The following LAMA3 variants were observed in gnomAD, a reference collection of about 807,000 sequenced individuals.
LAMA3 encodes the protein laminin subunit alpha 3.
In LAMA3, 281 loss-of-function variants were observed where a neutral mutation model predicts 402.0. The ratio of observed to expected loss-of-function variants is 0.70; its 90% CI spans 0.63 to 0.77. LAMA3 has a LOEUF of 0.77. Among genes scored for constraint, LAMA3 ranks in the 30% least tolerant of loss-of-function variants. The probability of loss-of-function intolerance (pLI) is 0.00; values close to 1 mark genes in which losing one functional copy is unlikely to be tolerated. For missense variants in LAMA3, 3,840 were observed against 4,215.5 expected, an observed-to-expected ratio of 0.91 and a Z score of 2.47; for synonymous variants, 1,431 against 1,558.4, an observed-to-expected ratio of 0.92 and a Z score of 1.93.
At position 23,909,248 on chromosome 18, in the gene LAMA3, G is replaced by T. The variant is rs1378277535; in HGVS notation, c.7111G>T (p.Asp2371Tyr). ...CTTGGGAAACATCTCTGACAACATG[G>T]ACAGAATACGAGAACTAATTCAGCA... ...LPLGNISDNM[D>Y]RIRELIQQAR... The change falls in exon 55 of 75, where the codon GAC (aspartate) becomes TAC (tyrosine). Residue 2371 changes from aspartate (D) to tyrosine (Y), a missense_variant. By Grantham distance (160) the Asp-to-Tyr change is radical. Around this residue, in one of 3 missense-constraint regions of LAMA3, gnomAD observed 891 missense variants for 857.5 expected, o/e 1.04. Coordinates refer to ENST00000313654, the MANE Select transcript of LAMA3 (RefSeq NM_198129.4). 4 of 1,613,498 alleles carry T rather than the reference G, an allele frequency of 2.5e-6. No individual in the cohort carries two copies. In the African/African-American group the frequency reaches 5.3e-5, roughly 22 times the overall value.
At chr18:23,899,759 G>A (rs1429255687) in intron 47 of LAMA3, 2 of 304,392 alleles carry the variant, frequency 6.6e-6, no homozygotes, top group African/African-American at 2.2e-5. Flanking sequence ...CCTCTTTCCA[G>A]TTTTCTCATT....
chr18:23,832,972 C>G (rs1598881921), intron 23 of LAMA3, among the ~76,000 whole-genome samples: 1 of 152,140 alleles, frequency 6.6e-6, no homozygotes, highest in African/African-American at 2.4e-5. Flanking sequence ...ACTTAATCCT[C>G]AGAACAATCT....
chr18:23,784,764 C>G (rs1434771137), intron 12 of LAMA3, among the ~76,000 whole-genome samples: 3 of 152,084 alleles, frequency 2.0e-5, no homozygotes, highest in African/African-American at 7.2e-5. Flanking sequence ...TGAGTGAACA[C>G]ATGAATGAAT....
intron 5 of LAMA3, among the ~76,000 whole-genome samples, chr18:23,752,682 A>G (rs1447413946): frequency 6.6e-6 from 1 of 152,182 alleles, no homozygotes; most frequent in Non-Finnish European, 1.5e-5. Flanking sequence ...CTGTATTAAC[A>G]AGGGGGGCTG....
In LAMA3 at chr18:23,884,829, G is replaced by A. The variant is rs772456178; in HGVS notation, c.5279G>A (p.Gly1760Glu). ...GACGTGCGGTGCTCCTGCAAAGCTG[G>A]GTACACAGGAACACAGTGTGAAAGG... ...GGDVRCSCKA[G>E]YTGTQCERCA... Residue 1760 changes from glycine (G) to glutamate (E), a missense_variant, in exon 41 of 75, where the codon GGG becomes GAG. Physicochemically the swap from Gly to Glu is moderately conservative, Grantham distance 98. Coordinates refer to ENST00000313654, the MANE Select transcript of LAMA3 (RefSeq NM_198129.4). 26 of 1,613,424 alleles carry A rather than the reference G, an allele frequency of 1.6e-5. No homozygotes were observed. Among genetic ancestry groups the A allele is most frequent in the Middle Eastern group, 1.7e-4 (1 of 6,060 alleles).
At chr18:23,891,280 C>A (rs534586516) in intron 42 of LAMA3, among the ~76,000 whole-genome samples, 2 of 152,294 alleles carry the variant, frequency 1.3e-5, no homozygotes, top group Admixed American at 1.3e-4. Context: ...ACAGAACAGA[C>A]AATGGTTTGT....
intron 67 of LAMA3, among the ~76,000 whole-genome samples, chr18:23,937,171 GC>G (rs573187788): frequency 5.4e-4 from 82 of 152,078 alleles, no homozygotes; most frequent in African/African-American, 1.9e-3. Flanking sequence ...TTCAAGACCA[GC>G]CTGGCCAACA....
intron 67 of LAMA3, among the ~76,000 whole-genome samples, chr18:23,935,429 C>A (rs2082282700): frequency 6.6e-6 from 1 of 152,164 alleles, no homozygotes; most frequent in African/African-American, 2.4e-5. Flanking sequence ...TGGAAAACGT[C>A]AGCGAATACA....
chr18:23,764,519 T>C (rs2062036193), intron 8 of LAMA3, among the ~76,000 whole-genome samples: 1 of 152,096 alleles, frequency 6.6e-6, no homozygotes, highest in South Asian at 2.1e-4. Flanking sequence ...ATTCTCTCAG[T>C]GATATTATGT....
chr18:23,814,318 C>A (rs2063134614), intron 14 of LAMA3, 85 bp from the exon 15 acceptor site: 6 of 1,022,180 alleles, frequency 5.9e-6, no homozygotes, highest in Admixed American at 1.7e-5. Context: ...AAATATGTTT[C>A]TGTGACAAGT....
At chr18:23,846,916 T>C (rs528725532) in intron 31 of LAMA3, among the ~76,000 whole-genome samples, 13 of 152,332 alleles carry the variant, frequency 8.5e-5, no homozygotes, top group African/African-American at 3.1e-4. Context: ...GCCAGGGTCA[T>C]GTGGCAGTGC....
intron 12 of LAMA3, among the ~76,000 whole-genome samples, chr18:23,798,774 G>T (rs2062814528): frequency 6.6e-6 from 1 of 152,212 alleles, no homozygotes; most frequent in Admixed American, 6.5e-5. Context: ...CTGATGGCTG[G>T]CTTTTGGCTT....
intron 47 of LAMA3, chr18:23,899,668 A>G (rs955207362): frequency 6.0e-6 from 3 of 501,130 alleles, no homozygotes; most frequent in African/African-American, 3.9e-5. Flanking sequence ...CATCATGCAA[A>G]GAAAAAAAAA....
At chr18:23,930,914 A>C in intron 64 of LAMA3, 148 bp from the exon 65 acceptor site, 1 of 702,644 alleles carries the variant, frequency 1.4e-6, no homozygotes, top group Non-Finnish European at 2.4e-6. Context: ...TGCAAAAAAT[A>C]ATCTTTAGAG....
At chr18:23,858,242 A>G (rs1016401088) in intron 33 of LAMA3, among the ~76,000 whole-genome samples, 2 of 152,154 alleles carry the variant, frequency 1.3e-5, no homozygotes, top group Admixed American at 6.5e-5. Flanking sequence ...AAAAATCAGC[A>G]CAAACTTTTA....
chr18:23,815,595 T>G, intron 17 of LAMA3, 22 bp downstream of exon 17: 3 of 1,450,984 alleles, frequency 2.1e-6, no homozygotes, highest in African/African-American at 1.4e-5. Flanking sequence ...CATTGGGCCC[T>G]GAGCAAAGCA....
intron 12 of LAMA3, among the ~76,000 whole-genome samples, chr18:23,808,025 GGA>G (rs889771312): frequency 1.3e-5 from 2 of 152,178 alleles, no homozygotes; most frequent in Non-Finnish European, 2.9e-5. Flanking sequence ...AATAGCTAGG[GGA>G]GCATTAGACA....
chr18:23,891,498 C>T lies in LAMA3; in HGVS notation c.5410+1381C>T, dbSNP rs577071242. 4.6e-5 allele frequency among the ~76,000 whole-genome samples: 7 copies of T among 152,270 alleles called. No individual in the cohort carries two copies. The East Asian group carries it at 9.6e-4, about 21-fold the overall frequency. ...GGCCTTCAATTTAAAATAATCAGCC[C>T]ACCAGGGTGCCATATTTTGGGGTGA... On this transcript the variant is annotated intron_variant, in intron 42 of 74. Transcript: ENST00000313654.
chr18:23,801,646 A>G (rs1461320916), intron 12 of LAMA3, among the ~76,000 whole-genome samples: 1 of 152,178 alleles, frequency 6.6e-6, no homozygotes. Context: ...CGCCGTACCA[A>G]TTTACATTCC....
Sources: allele counts gnomAD v4.1 joint callset (sites outside exome capture counted in the v4.1 genomes callset), GRCh38; gene constraint gnomAD v4.1.1; regional missense constraint gnomAD v4.1.1; transcripts MANE v1.5; gene names NCBI Gene and HGNC (gene_info 2026-07-23, HGNC 2026-07-21).